FGD5: variants seen among roughly 807,000 people sequenced by gnomAD.
The protein encoded by FGD5 is FYVE, RhoGEF and PH domain containing 5.
In FGD5, 28 loss-of-function variants were observed where a neutral mutation model predicts 133.4. The ratio of observed to expected loss-of-function variants is 0.21; its 90% CI spans 0.16 to 0.29. The LOEUF is 0.29. Among genes scored for constraint, FGD5 ranks in the 10% least tolerant of loss-of-function variants. The pLI is 1.00. For synonymous variants in FGD5, 810 were observed against 776.5 expected (o/e 1.04, Z -0.72); for missense variants, 1,858 against 1,895.2 (o/e 0.98, Z 0.36).
intron 9 of FGD5, among the ~76,000 whole-genome samples, chr3:14,906,707 C>T (rs1011554473): frequency 2.6e-5 from 4 of 152,230 alleles, no homozygotes; most frequent in African/African-American, 9.6e-5. Context: ...ATTTTCGCTG[C>T]TTTCTTCTTA....
Position 14,820,826 on chromosome 3 carries a change from G to C in FGD5, c.1755G>C (p.Leu585=), listed in dbSNP as rs2125068492. ...AGAGGAAAGAGGACAATCTCTCTCTGTCGTGTGTAATTGGCTCCTCTGGGA... is the reference window on the plus strand; with the variant it reads ...AGAGGAAAGAGGACAATCTCTCTCTCTCGTGTGTAATTGGCTCCTCTGGGA... ...RIKRKEDNLS[L]SCVIGSSGSF... The change falls in exon 1 of 20, where the codon CTG becomes CTC. Residue 585 remains leucine (L), a synonymous_variant. Transcript: ENST00000285046. 6.2e-7 allele frequency: 1 copy of C among 1,613,882 alleles called. No homozygotes were observed. The highest frequency in any genetic ancestry group is 1.1e-5 in the South Asian group (1 of 91,070).
chr3:14,888,869 G>A lies in FGD5; in HGVS notation c.2748+8097G>A, dbSNP rs141033409. Among the ~76,000 whole-genome samples, 991 of 152,342 alleles carry A rather than the reference G, an allele frequency of 6.5e-3. 7 individuals are homozygous for A. Among genetic ancestry groups the A allele is most frequent in the Non-Finnish European group, 0.011 (749 of 68,036 alleles). On this transcript the variant is annotated intron_variant, in intron 4 of 19. Coordinates refer to ENST00000285046, the MANE Select transcript of FGD5 (RefSeq NM_152536.4). ...AAAGCATAGTCTTCAGACCAGCAGCGTCAGCATCACCTGGGAAACTGTGAG... is the reference window on the plus strand; with the variant it reads ...AAAGCATAGTCTTCAGACCAGCAGCATCAGCATCACCTGGGAAACTGTGAG...
chr3:14,889,167 G>T (rs2125125151), intron 4 of FGD5, among the ~76,000 whole-genome samples: 1 of 152,222 alleles, frequency 6.6e-6, no homozygotes, highest in East Asian at 1.9e-4. Context: ...AAAAAATGGG[G>T]AGCGCTTGCT....
rs550265966 is a variant in FGD5, at chr3:14,918,970, T to C, written c.3569+137T>C. ...AGTATCCTTCTGGGTCAAAGGACTT[T>C]TTTTCTTTTCAGTGTTTCTTAACCT... On this transcript the variant is annotated intron_variant, in intron 13 of 19. Transcript: ENST00000285046. The C allele has an allele frequency of 1.4e-3, 1,293 of 921,506 alleles. 2 individuals carry two copies. Among genetic ancestry groups the C allele is most frequent in the Non-Finnish European group, 1.9e-3 (1,158 of 621,680 alleles). 57.1% of individuals were successfully genotyped at this position (921,506 alleles called of 1,614,324 possible).
chr3:14,820,464 G>A lies in FGD5; in HGVS notation c.1393G>A (p.Glu465Lys), dbSNP rs2036467966. Residue 465 changes from glutamate to lysine, a missense_variant, in exon 1 of 20, where the codon GAG (glutamate) becomes AAG (lysine). By Grantham distance (56) the Glu-to-Lys change is moderately conservative. This residue lies in a region of FGD5 where 1,824 missense variants were observed against 1,848.9 expected (regional missense o/e 0.99). Coordinates refer to ENST00000285046, the MANE Select transcript of FGD5 (RefSeq NM_152536.4). The stretch of plus-strand genomic sequence containing the variant: ...TGGCTCGAAAGAAGAATTGAACTGT[G>A]AGGCAGAGGGTGGCCTGGTTCCCGC... Reference protein sequence around the residue: ...GYGSKEELNCEAEGGLVPADR... With the variant: ...GYGSKEELNCKAEGGLVPADR... The A allele has an allele frequency of 6.2e-7, 1 of 1,613,846 alleles. No homozygotes were observed. Among genetic ancestry groups the A allele is most frequent in the African/African-American group, 1.3e-5 (1 of 74,916 alleles).
chr3:14,818,159 C>T (rs148898191), upstream of FGD5, among the ~76,000 whole-genome samples: 9 of 152,306 alleles, frequency 5.9e-5, no homozygotes, highest in East Asian at 1.5e-3. Context: ...CCTCAGCATC[C>T]ACAGATATCC....
Position 14,819,282 on chromosome 3 carries a change from G to A in FGD5, c.211G>A (p.Val71Ile), listed in dbSNP as rs202134416. 1.2e-4 allele frequency: 179 copies of A among 1,531,392 alleles called. No individual in the cohort carries two copies. The highest frequency in any genetic ancestry group is 1.5e-4 in the Non-Finnish European group (172 of 1,136,612). The allele number at this position is 1,531,392 out of a possible 1,614,324, so 94.9% of individuals were successfully genotyped here. A position where few individuals can be genotyped will look rare whatever the true frequency, so the allele number is the denominator to read the frequency against. ...TDEDYIVVPR[V>I]PLREDEPKDE... ...CGAGGATTACATCGTGGTCCCCAGG[G>A]TTCCGCTGAGGGAGGATGAACCCAA... Residue 71 changes from valine (V) to isoleucine (I), a missense_variant, in exon 1 of 20, where the codon GTT becomes ATT. Around this residue, in one of 3 missense-constraint regions of FGD5, gnomAD observed 1,824 missense variants for 1,848.9 expected, o/e 0.99. Transcript: ENST00000285046. This position sits in a 1 kb window ranked among gnomAD's most constrained non-coding sequence, Gnocchi z 4.1.
At chr3:14,856,046 AT>A (rs1055583607) in intron 1 of FGD5, among the ~76,000 whole-genome samples, 11 of 151,640 alleles carry the variant, frequency 7.3e-5, no homozygotes, top group African/African-American at 2.7e-4. Flanking sequence ...TTTGAGGTTG[AT>A]TTTTTTTATA....
At chr3:14,852,340 A>G (rs1687319) in intron 1 of FGD5, among the ~76,000 whole-genome samples, 130,539 of 152,258 alleles carry the variant, frequency 0.86, 56,097 homozygotes, top group East Asian at 0.98. Flanking sequence ...AGACCCAAAA[A>G]GCCTCATACT....
chr3:14,861,884 T>C (rs182403), intron 1 of FGD5, among the ~76,000 whole-genome samples: 125,819 of 152,026 alleles, frequency 0.83, 52,310 homozygotes, highest in East Asian at 0.98. Context: ...GGGGACAGCA[T>C]GATCAGATTG....
At chr3:14,882,495 C>A (rs1441704519) in intron 4 of FGD5, 4 of 268,960 alleles carry the variant, frequency 1.5e-5, no homozygotes, top group East Asian at 3.6e-4. Flanking sequence ...ATCAGGAGTT[C>A]GAGACCAGCC....
chr3:14,900,593 C>T, intron 8 of FGD5, 140 bp downstream of exon 8: 1 of 921,404 alleles, frequency 1.1e-6, no homozygotes, highest in Non-Finnish European at 1.7e-6. Context: ...TATGACACAT[C>T]TTGGACTTCT....
intron 2 of FGD5, among the ~76,000 whole-genome samples, chr3:14,873,731 T>C (rs1267308232): frequency 6.7e-6 from 1 of 148,544 alleles, no homozygotes; most frequent in Non-Finnish European, 1.5e-5. Flanking sequence ...CACTTTTTTT[T>C]TTCTTTTTTT....
chr3:14,876,693 C>T (rs2037725872), intron 2 of FGD5, among the ~76,000 whole-genome samples: 1 of 152,176 alleles, frequency 6.6e-6, no homozygotes, highest in Non-Finnish European at 1.5e-5. Flanking sequence ...TTTTGGTTGA[C>T]TTAAATGAAT....
intron 10 of FGD5, among the ~76,000 whole-genome samples, chr3:14,910,654 C>T (rs1374532767): frequency 6.6e-6 from 1 of 152,210 alleles, no homozygotes; most frequent in Non-Finnish European, 1.5e-5. Context: ...CTAGCATATA[C>T]AGCACCTCTC....
rs1298128117 is a variant in FGD5, at chr3:14,844,215, AAAATATATATATATATATATATAT to A, written c.2526-19911_2526-19888del. On this transcript the variant is annotated intron_variant, in intron 1 of 19. Coordinates refer to ENST00000285046, the MANE Select transcript of FGD5 (RefSeq NM_152536.4). ...ATCTTAATAGGCATTAAAAAAAAAA[AAAATATATATATATATATATATAT>A]ATATATATATATATATATATATATA... Among the ~76,000 whole-genome samples, 13 of 27,504 alleles carry A rather than the reference AAAATATATATATATATATATATAT, an allele frequency of 4.7e-4. 2 individuals carry two copies. Among genetic ancestry groups the A allele is most frequent in the Admixed American group, 1.7e-3 (3 of 1,792 alleles). The allele number at this position is 27,504 out of a possible 152,430, so 18.0% of individuals were successfully genotyped here.
intron 1 of FGD5, among the ~76,000 whole-genome samples, chr3:14,854,461 G>T: frequency 6.7e-6 from 1 of 150,138 alleles, no homozygotes; most frequent in African/African-American, 2.5e-5. Flanking sequence ...TGTCGCCCAG[G>T]CTGGACTGCA....
chr3:14,822,080 T>C (rs1050643847), intron 1 of FGD5, among the ~76,000 whole-genome samples: 5 of 149,936 alleles, frequency 3.3e-5, no homozygotes, highest in East Asian at 2.0e-4. Flanking sequence ...AACCTGGCAA[T>C]AGAGCGAGAC....
rs1364436326 is a variant in FGD5, at chr3:14,901,012, G to T, written c.3215G>T (p.Ser1072Ile). 2 of 1,614,030 alleles carry T rather than the reference G, an allele frequency of 1.2e-6. No individual in the cohort carries two copies. The highest frequency in any genetic ancestry group is 1.1e-5 in the South Asian group (1 of 91,080). The change falls in exon 9 of 20, where the codon AGC (serine) becomes ATC (isoleucine). Residue 1072 changes from serine to isoleucine, a missense_variant. Coordinates refer to ENST00000285046, the MANE Select transcript of FGD5 (RefSeq NM_152536.4). The part of the protein sequence containing the change: ...AEYDNTQGAL[S>I]LISKVTDRAN... ...CTGTGTCCCTCCCCAGGTGCACTGA[G>T]CCTCATCTCCAAAGTCACAGACCGT...
Sources: allele counts gnomAD v4.1 joint callset (sites outside exome capture counted in the v4.1 genomes callset), GRCh38; gene constraint gnomAD v4.1.1; regional missense constraint gnomAD v4.1.1; non-coding constraint Gnocchi (gnomAD v3.1); transcripts MANE v1.5; gene names NCBI Gene and HGNC (gene_info 2026-07-23, HGNC 2026-07-21).